Variants in C6orf118 observed in about 807,000 individuals in gnomAD.
The protein encoded by C6orf118 is chromosome 6 open reading frame 118.
In C6orf118, 50 loss-of-function variants were observed where a neutral mutation model predicts 50.2. The ratio of observed to expected loss-of-function variants is 1.00; its 90% confidence interval spans 0.79 to 1.26. C6orf118 has a LOEUF of 1.26. Among genes scored for constraint, C6orf118 ranks in the 50% most tolerant of loss-of-function variants. The pLI is 0.00. For missense variants in C6orf118, 641 were observed against 578.7 expected, an observed-to-expected ratio of 1.11 and a Z score of -1.10; for synonymous variants, 239 against 230.9, an observed-to-expected ratio of 1.03 and a Z score of -0.32.
At chr6:165,298,181 C>G (rs940827134) in intron 4 of C6orf118, 80 bp from the exon 5 acceptor site, 2 of 1,468,172 alleles carry the variant, frequency 1.4e-6, no homozygotes, top group African/African-American at 2.9e-5. Flanking sequence ...GTCATTAATG[C>G]GTTTTCAAGG....
rs1378102706 is a variant in C6orf118, at chr6:165,300,363, C to A, written c.876+1G>T. ...TTATGCTGAAGATGTATGTTTCTTA[C>A]CTTAACTTTTTTCAAGAGATCACCA... On this transcript the variant is annotated splice_donor_variant, in intron 3 of 8. Coordinates refer to ENST00000230301, the MANE Select transcript of C6orf118 (RefSeq NM_144980.4). LOFTEE classifies it high-confidence loss of function. 6.2e-7 allele frequency: 1 copy of A among 1,613,742 alleles called. No homozygotes were observed. Among genetic ancestry groups the A allele is most frequent in the Admixed American group, 1.7e-5 (1 of 59,992 alleles).
At chr6:165,302,341 C>A (rs766651153) in intron 1 of C6orf118, 45 bp from the exon 2 acceptor site, 2 of 1,580,726 alleles carry the variant, frequency 1.3e-6, no homozygotes, top group Non-Finnish European at 8.6e-7. Flanking sequence ...GCTCTTAGTT[C>A]CACAGTAAGT....
Position 165,299,463 on chromosome 6 carries a change from G to T in C6orf118, c.916C>A (p.Gln306Lys). ...GTCACCTCGTACTGTGCTGCAGGCT[G>T]GGACTCCAGGAGCGTTGCCATGTAG... ...ELYMATLLES[Q>K]PAAQYEALLA... is the part of the protein sequence containing the mutation. The change falls in exon 4 of 9, where the codon CAG (glutamine) becomes AAG (lysine). Residue 306 changes from glutamine (Q) to lysine (K), a missense_variant. Gln to Lys is a moderately conservative substitution (Grantham distance 53). Coordinates refer to ENST00000230301, the MANE Select transcript of C6orf118 (RefSeq NM_144980.4). 1 of 1,614,074 alleles carries T rather than the reference G, an allele frequency of 6.2e-7. No homozygotes were observed. Among genetic ancestry groups the T allele is most frequent in the Non-Finnish European group, 8.5e-7 (1 of 1,179,982 alleles).
chr6:165,309,423 C>A, intron 1 of C6orf118, 139 bp downstream of exon 1: 1 of 980,960 alleles, frequency 1.0e-6, no homozygotes, highest in Non-Finnish European at 1.6e-6. Context: ...CAGTCCTCAG[C>A]CCTAGTGACC....
intron 1 of C6orf118, among the ~76,000 whole-genome samples, chr6:165,306,248 C>A (rs1780722569): frequency 1.9e-5 from 1 of 53,938 alleles, no homozygotes; most frequent in Non-Finnish European, 3.5e-5. Flanking sequence ...ACCGCATATT[C>A]TCACTCATAG....
intron 1 of C6orf118, 121 bp from the exon 2 acceptor site, chr6:165,302,417 A>G (rs550395652): frequency 2.6e-5 from 32 of 1,253,692 alleles, no homozygotes; most frequent in Middle Eastern, 2.9e-4. Context: ...AAACAGACGA[A>G]CAGAGTACAT....
rs1780543232 is a variant in C6orf118, at chr6:165,301,643, C to A, written c.679G>T (p.Ala227Ser). The A allele has an allele frequency of 1.9e-6, 3 of 1,614,018 alleles. No individual in the cohort carries two copies. Among genetic ancestry groups the A allele is most frequent in the Non-Finnish European group, 2.5e-6 (3 of 1,180,030 alleles). ...MFLRFQKEVL[A>S]KQDLLKNDFT... ...TCATTCTTCAGGAGATCTTGCTTGGCGAGCACTTCCTTCTGGAAACGCAGG... is the reference window on the plus strand; with the variant it reads ...TCATTCTTCAGGAGATCTTGCTTGGAGAGCACTTCCTTCTGGAAACGCAGG... Residue 227 changes from alanine to serine, a missense_variant, in exon 2 of 9, where the codon GCC becomes TCC. Ala to Ser is a moderately conservative substitution (Grantham distance 99). Transcript: ENST00000230301.
At chr6:165,308,590 G>A (rs1780828769) in intron 1 of C6orf118, among the ~76,000 whole-genome samples, 1 of 152,170 alleles carries the variant, frequency 6.6e-6, no homozygotes, top group Non-Finnish European at 1.5e-5. Flanking sequence ...GTGACAGCCT[G>A]AAGCTCTTTG....
rs200572993 is a variant in C6orf118, at chr6:165,298,029, C to A, written c.1009G>T (p.Glu337Ter). The change falls in exon 5 of 9, where the codon GAG (glutamate) becomes TAG (stop). Residue 337 changes from glutamate (E) to a stop codon, truncating the protein, a stop_gained. Transcript: ENST00000230301. LOFTEE classifies it high-confidence loss of function. The part of the protein sequence containing the change: ...KTADMDLARE[E>*]LRMLVTATKA... ...GTGGCTGTCACGAGCATCCTCAGCTCTTCCCTGGCGAGATCCATGTCCGCC... is the reference window on the plus strand; with the variant it reads ...GTGGCTGTCACGAGCATCCTCAGCTATTCCCTGGCGAGATCCATGTCCGCC... 1.1e-5 allele frequency: 18 copies of A among 1,613,982 alleles called. No homozygotes were observed. In the African/African-American group the frequency reaches 2.1e-4, roughly 19 times the overall value.
At position 165,297,961 on chromosome 6, in the gene C6orf118, G is replaced by A. The variant is rs777501912; in HGVS notation, c.1061+16C>T. ...AAGAATCTAAACATAGATCAGATCC[G>A]TCCCTCATGCCTCACCTATCATTCT... On this transcript the variant is annotated intron_variant, in intron 5 of 8. Coordinates refer to ENST00000230301, the MANE Select transcript of C6orf118 (RefSeq NM_144980.4). 1.7e-5 allele frequency: 28 copies of A among 1,613,414 alleles called. No homozygotes were observed. The highest frequency in any genetic ancestry group is 2.1e-5 in the Non-Finnish European group (25 of 1,179,994).
At chr6:165,292,742 A>C (rs1190579165) in intron 6 of C6orf118, among the ~76,000 whole-genome samples, 1 of 152,164 alleles carries the variant, frequency 6.6e-6, no homozygotes, top group Non-Finnish European at 1.5e-5. Flanking sequence ...GGACAAGGGG[A>C]TGCAAATCAG....
At chr6:165,296,250 GTTT>G (rs56394079) in intron 5 of C6orf118, among the ~76,000 whole-genome samples, 274 of 103,386 alleles carry the variant, frequency 2.7e-3, no homozygotes, top group African/African-American at 8.5e-3. Flanking sequence ...TTCGTTTTTT[GTTT>G]TTTTTTTTTT....
In C6orf118 at chr6:165,301,941, CG is replaced by C; in HGVS notation, c.380del (p.Pro127ArgfsTer6). On this transcript the variant is annotated frameshift_variant, in exon 2 of 9. Coordinates refer to ENST00000230301, the MANE Select transcript of C6orf118 (RefSeq NM_144980.4). LOFTEE classifies it high-confidence loss of function. ...ALVPSEAQDT[P>X]LFRYLNPQAS... ...CCTGGGGGTTCAGGTACCTGAACAG[CG>C]GGGTGTCCTGGGCCTCACTGGGGAC... 6.2e-7 allele frequency: 1 copy of C among 1,613,798 alleles called. No homozygotes were observed. Among genetic ancestry groups the C allele is most frequent in the South Asian group, 1.1e-5 (1 of 91,078 alleles).
At chr6:165,280,570 G>C (rs1452747036) in intron 8 of C6orf118, among the ~76,000 whole-genome samples, 1 of 152,190 alleles carries the variant, frequency 6.6e-6, no homozygotes. Context: ...AAGCTGGAGA[G>C]TGGGGTGCTC....
chr6:165,307,769 A>G (rs1780797584), intron 1 of C6orf118, among the ~76,000 whole-genome samples: 1 of 152,216 alleles, frequency 6.6e-6, no homozygotes, highest in African/African-American at 2.4e-5. Context: ...CAGCAGGCCC[A>G]GACCCACAGG....
At chr6:165,289,260 G>T (rs1373104693) in intron 7 of C6orf118, among the ~76,000 whole-genome samples, 1 of 151,678 alleles carries the variant, frequency 6.6e-6, no homozygotes, top group African/African-American at 2.4e-5. Context: ...CATAAAGAAG[G>T]TTGGACCACC....
chr6:165,292,642 G>A (rs959778955), intron 6 of C6orf118, among the ~76,000 whole-genome samples: 1 of 152,166 alleles, frequency 6.6e-6, no homozygotes, highest in Admixed American at 6.5e-5. Flanking sequence ...AACGAACAAC[G>A]TGGTGGAAGA....
intron 6 of C6orf118, among the ~76,000 whole-genome samples, chr6:165,293,008 A>G (rs925546599): frequency 1.2e-4 from 19 of 152,344 alleles, no homozygotes; most frequent in Admixed American, 7.2e-4. Flanking sequence ...CATTTCATTT[A>G]AAGTTGGAAA....
intron 8 of C6orf118, 71 bp downstream of exon 8, chr6:165,281,569 A>G: frequency 6.9e-7 from 1 of 1,455,816 alleles, no homozygotes. Flanking sequence ...GGTCATGCTT[A>G]TTACACAGGA....
Sources: gnomAD v4.1 joint callset for allele counts (sites outside exome capture counted in the v4.1 genomes callset) on GRCh38, gnomAD v4.1.1 for gene constraint, MANE v1.5 for transcripts, NCBI Gene and HGNC (gene_info 2026-07-23, HGNC 2026-07-21) for gene names.